The following EPB41L1 variants were observed in gnomAD, a reference collection of about 807,000 sequenced individuals.
The protein encoded by EPB41L1 is band 4.1-like protein 1.
Under a neutral mutation model 97.8 loss-of-function variants are expected in EPB41L1, and 29 were observed. The observed-to-expected ratio is 0.30, with a 90% CI of 0.22 to 0.40. The LOEUF is 0.40. Ranked by LOEUF, EPB41L1 falls within the 10% of genes least tolerant of loss-of-function variation. The probability of loss-of-function intolerance (pLI) is 1.00; values close to 1 mark genes in which losing one functional copy is unlikely to be tolerated. For missense variants in EPB41L1, 812 were observed against 1,162.3 expected, an observed-to-expected ratio of 0.70 and a Z score of 4.38; for synonymous variants, 383 against 459.2, an observed-to-expected ratio of 0.83 and a Z score of 2.12.
Position 36,112,166 on chromosome 20 carries a change from T to A in EPB41L1, c.-64-260T>A, listed in dbSNP as rs558926824. 3.0e-4 allele frequency among the ~76,000 whole-genome samples: 45 copies of A among 152,306 alleles called. 2 individuals carry two copies. In the South Asian group the frequency reaches 9.3e-3, roughly 32 times the overall value. On this transcript the variant is annotated intron_variant, in intron 1 of 19. Transcript: ENST00000202028. ...TCCTCTACCCTGTAAGCCAGTGGTT[T>A]CTCTTTGCTCTTACAATAAAGAGCG...
chr20:36,205,541 CTG>C (rs2062752627), intron 14 of EPB41L1, among the ~76,000 whole-genome samples: 2 of 152,186 alleles, frequency 1.3e-5, no homozygotes, highest in South Asian at 4.1e-4. Flanking sequence ...CCTGGCCCAT[CTG>C]TGGATCTCCA....
At chr20:36,136,537 G>A (rs1465678534) in intron 2 of EPB41L1, among the ~76,000 whole-genome samples, 1 of 151,124 alleles carries the variant, frequency 6.6e-6, no homozygotes, top group African/African-American at 2.4e-5. Context: ...GGTTCATATT[G>A]TGTAACACCA....
chr20:36,188,503 A>G lies in EPB41L1; in HGVS notation c.1026+4A>G. ...TATCAAGATCCGGCCTGGGGAGGTGAGTCTGCCTTGGGAAACACTCCTCCT... is the reference window on the plus strand; with the variant it reads ...TATCAAGATCCGGCCTGGGGAGGTGGGTCTGCCTTGGGAAACACTCCTCCT... On this transcript the variant is annotated splice_donor_region_variant and intron_variant, in intron 9 of 21. Coordinates refer to ENST00000338074, the MANE Select transcript of EPB41L1 (RefSeq NM_012156.2). 6 of 1,600,236 alleles carry G rather than the reference A, an allele frequency of 3.7e-6. No homozygotes were observed. The highest frequency in any genetic ancestry group is 5.1e-6 in the Non-Finnish European group (6 of 1,172,244).
chr20:36,158,987 A>C (rs1226809651), intron 1 of EPB41L1, among the ~76,000 whole-genome samples: 3 of 152,138 alleles, frequency 2.0e-5, no homozygotes, highest in South Asian at 2.1e-4. Flanking sequence ...GATCCACAGG[A>C]GAGGGTGGAC....
rs142403876 is a variant in EPB41L1 at position 36,172,930 on chromosome 20, C to T, written c.-14-834C>T. ...TGTTTTTCAAATATAAAAATGAGACCATGCCATTCTCTCTCTCTCTTTCTC... is the reference window on the plus strand; with the variant it reads ...TGTTTTTCAAATATAAAAATGAGACTATGCCATTCTCTCTCTCTCTTTCTC... On this transcript the variant is annotated intron_variant, in intron 1 of 21. Coordinates refer to ENST00000338074, the MANE Select transcript of EPB41L1 (RefSeq NM_012156.2). Among the ~76,000 whole-genome samples the T allele has an allele frequency of 1.5e-3, 230 of 152,306 alleles. 2 individuals are homozygous for T. The highest frequency in any genetic ancestry group is 2.2e-4 in the Non-Finnish European group (15 of 68,024).
chr20:36,193,641 T>C (rs2062058686), intron 11 of EPB41L1, among the ~76,000 whole-genome samples: 1 of 152,234 alleles, frequency 6.6e-6, no homozygotes, highest in Non-Finnish European at 1.5e-5. Context: ...CCCTGAATTC[T>C]CCCTAATTTA....
At chr20:36,123,039 C>T (rs2058810860) in intron 2 of EPB41L1, among the ~76,000 whole-genome samples, 2 of 151,824 alleles carry the variant, frequency 1.3e-5, no homozygotes, top group African/African-American at 2.4e-5. Flanking sequence ...TATAGTCTGG[C>T]CTGCCCTTAT....
At chr20:36,129,345 A>G (rs2147740152) in intron 2 of EPB41L1, among the ~76,000 whole-genome samples, 2 of 151,900 alleles carry the variant, frequency 1.3e-5, no homozygotes, top group Middle Eastern at 6.8e-3. Context: ...GTGGTAAGTT[A>G]CCGCTTCTCC....
chr20:36,173,938 C>G lies in EPB41L1; in HGVS notation c.161C>G (p.Thr54Arg), dbSNP rs371405277. ...GAGAAGCATCCATCCCAGCAGGACA[C>G]GCGGCCTGCTGAACAGGTGTGTGCC... The part of the protein sequence containing the change: ...SNEKHPSQQD[T>R]RPAEQSLDME... The change falls in exon 2 of 22, where the codon ACG becomes AGG. Residue 54 changes from threonine to arginine, a missense_variant. Coordinates refer to ENST00000338074, the MANE Select transcript of EPB41L1 (RefSeq NM_012156.2). The G allele has an allele frequency of 3.7e-6, 6 of 1,613,354 alleles. No individual in the cohort carries two copies. The East Asian group carries it at 1.1e-4, about 30-fold the overall frequency.
At chr20:36,188,809 G>A (rs543347716) in intron 9 of EPB41L1, among the ~76,000 whole-genome samples, 14 of 148,558 alleles carry the variant, frequency 9.4e-5, no homozygotes, top group African/African-American at 1.7e-4. Context: ...GTGAAACCCC[G>A]TCTCTACTAA....
intron 1 of EPB41L1, among the ~76,000 whole-genome samples, chr20:36,169,846 C>CT (rs1600714956): frequency 6.6e-6 from 1 of 152,266 alleles, no homozygotes; most frequent in East Asian, 1.9e-4. Flanking sequence ...CATGGCAAAT[C>CT]TAAATCATCT....
At position 36,100,424 on chromosome 20, in the gene EPB41L1, A is replaced by C. The variant is rs6141598; in HGVS notation, c.-65+8812A>C. 3.1e-3 allele frequency among the ~76,000 whole-genome samples: 475 copies of C among 152,210 alleles called. 7 individuals are homozygous for C. In the East Asian group the frequency reaches 0.056, roughly 18 times the overall value. On this transcript the variant is annotated intron_variant, in intron 1 of 19. Coordinates refer to the EPB41L1 transcript ENST00000202028. ...TTTGGGTTTGCTTGAGGCCACCTAG[A>C]ATTAGAAAGTCTAGAGTCTTCCTCA... is the stretch of plus-strand genomic sequence containing the variant.
chr20:36,186,745 A>G (rs190025544), intron 7 of EPB41L1, among the ~76,000 whole-genome samples: 16 of 152,338 alleles, frequency 1.1e-4, no homozygotes, highest in South Asian at 2.1e-4. Context: ...GTTCAGATCA[A>G]TATGGGCTGG....
chr20:36,207,865 G>T lies in EPB41L1; in HGVS notation c.1669-1623G>T. ...CATGCTCTGTAGTTTTTAGAAGCAT[G>T]TTTCAGTGGCCCCTCGTCATTTCTG... On this transcript the variant is annotated intron_variant, in intron 14 of 21. Transcript: ENST00000338074. This position sits in a 1 kb window ranked among gnomAD's most constrained non-coding sequence, Gnocchi z 4.9. 8.4e-7 allele frequency: 1 copy of T among 1,192,778 alleles called. No homozygotes were observed. Among genetic ancestry groups the T allele is most frequent in the East Asian group, 5.8e-5 (1 of 17,306 alleles). 73.9% of individuals were successfully genotyped at this position (1,192,778 alleles called of 1,614,324 possible).
chr20:36,140,713 G>T lies in EPB41L1; in HGVS notation c.-10+28233G>T, dbSNP rs143586796. ...AGTCAGCAGATAATCAGAAGCCCAA[G>T]AAATGAATAGTGCAAGAGGAGGCCC... is the stretch of plus-strand genomic sequence containing the variant. On this transcript the variant is annotated intron_variant, in intron 2 of 19. Transcript: ENST00000202028. 3.1e-3 allele frequency among the ~76,000 whole-genome samples: 474 copies of T among 152,284 alleles called. 7 individuals carry two copies. Among genetic ancestry groups the T allele is most frequent in the African/African-American group, 0.011 (447 of 41,554 alleles).
intron 1 of EPB41L1, among the ~76,000 whole-genome samples, chr20:36,101,258 G>C (rs2058007999): frequency 6.6e-6 from 1 of 152,134 alleles, no homozygotes; most frequent in African/African-American, 2.4e-5. Flanking sequence ...GCTGGCCTGA[G>C]GGCCAGAGGG....
At chr20:36,199,860 G>C (rs1289726261) in intron 14 of EPB41L1, among the ~76,000 whole-genome samples, 3 of 152,202 alleles carry the variant, frequency 2.0e-5, no homozygotes, top group Non-Finnish European at 4.4e-5. Flanking sequence ...TGAGCCCTGG[G>C]AAGTGAGGTC....
chr20:36,114,389 G>C (rs569845378), intron 2 of EPB41L1, among the ~76,000 whole-genome samples: 56 of 152,252 alleles, frequency 3.7e-4, no homozygotes, highest in Admixed American at 3.6e-3. Context: ...AGACCACTGG[G>C]TCAGGGTATT....
intron 2 of EPB41L1, among the ~76,000 whole-genome samples, chr20:36,140,237 T>G (rs2059587920): frequency 1.3e-5 from 2 of 150,760 alleles, no homozygotes; most frequent in African/African-American, 4.9e-5. Flanking sequence ...GTATGTTTTT[T>G]TTTTTTTTTT....
Sources: allele counts gnomAD v4.1 joint callset (sites outside exome capture counted in the v4.1 genomes callset), GRCh38; gene constraint gnomAD v4.1.1; non-coding constraint Gnocchi (gnomAD v3.1); transcripts MANE v1.5; gene names NCBI Gene and HGNC (gene_info 2026-07-23, HGNC 2026-07-21).